The following GATB variants were observed in gnomAD, a reference collection of about 807,000 sequenced individuals.
The protein encoded by GATB is glutamyl-tRNA amidotransferase subunit B, also known as glutamyl-tRNA(Gln) amidotransferase subunit B, mitochondrial.
In GATB, 39 loss-of-function variants were observed where a neutral mutation model predicts 62.3. The observed-to-expected ratio is 0.63, with a 90% CI of 0.48 to 0.82. The LOEUF (loss-of-function observed/expected upper bound fraction) is 0.82, where lower values mean the gene tolerates loss of function less well. GATB is among the 40% of genes least tolerant of loss of function. The pLI is 0.00. For synonymous variants in GATB, 276 were observed against 258.9 expected (o/e 1.07, Z -0.63); for missense variants, 670 against 684.0 (o/e 0.98, Z 0.23).
intron 5 of GATB, among the ~76,000 whole-genome samples, chr4:151,712,378 C>T (rs181666755): frequency 3.9e-5 from 6 of 152,326 alleles, no homozygotes; most frequent in African/African-American, 1.4e-4. Context: ...GGACAGCCTT[C>T]ATTCACACAT....
chr4:151,711,192 T>C (rs1230717221), intron 5 of GATB, among the ~76,000 whole-genome samples: 1 of 152,192 alleles, frequency 6.6e-6, no homozygotes, highest in South Asian at 2.1e-4. Flanking sequence ...ATCTGAACTA[T>C]TGCAAAAGCT....
At chr4:151,693,576 A>G (rs537022271) in intron 9 of GATB, among the ~76,000 whole-genome samples, 1 of 152,284 alleles carries the variant, frequency 6.6e-6, no homozygotes, top group East Asian at 1.9e-4. Context: ...GAATACAGGG[A>G]TCTGCAGAGG....
intron 4 of GATB, 86 bp from the exon 5 acceptor site, chr4:151,716,217 G>T: frequency 6.8e-7 from 1 of 1,465,688 alleles, no homozygotes; most frequent in Non-Finnish European, 9.2e-7. Context: ...GGAAAACCCT[G>T]CCTTACTGAA....
chr4:151,749,210 C>T (rs1213444097), intron 2 of GATB, among the ~76,000 whole-genome samples: 3 of 152,136 alleles, frequency 2.0e-5, no homozygotes, highest in African/African-American at 4.8e-5. Flanking sequence ...CACATGCACA[C>T]GTATGTTTAT....
intron 2 of GATB, chr4:151,719,777 T>A (rs1738991401): frequency 2.8e-6 from 1 of 353,350 alleles, no homozygotes; most frequent in Non-Finnish European, 5.1e-6. Context: ...AACTGCCACA[T>A]CGGGAACCCT....
At chr4:151,704,104 A>G (rs1738660172) in intron 7 of GATB, among the ~76,000 whole-genome samples, 1 of 151,654 alleles carries the variant, frequency 6.6e-6, no homozygotes, top group African/African-American at 2.4e-5. Context: ...TTTAAAGGAA[A>G]TGACTTCAAT....
Position 151,688,729 on chromosome 4 carries a change from AC to A in GATB, c.1231del (p.Val411Ter). Reference protein sequence around the residue: ...EVGLLEFFQNVIKETRAEPKK... With the variant: ...EVGLLEFFQNXIKETRAEPKK... ...TGGCTCTGCCCTAGTTTCTTTTATCACATTTTGGAAGAACTCCAGTAGGCCG... is the reference window on the plus strand; with the variant it reads ...TGGCTCTGCCCTAGTTTCTTTTATCAATTTTGGAAGAACTCCAGTAGGCCG... On this transcript the variant is annotated frameshift_variant, in exon 10 of 13. Transcript: ENST00000263985. LOFTEE classifies it high-confidence loss of function. 6.2e-7 allele frequency: 1 copy of A among 1,610,186 alleles called. No homozygotes were observed. Among genetic ancestry groups the A allele is most frequent in the Non-Finnish European group, 8.5e-7 (1 of 1,178,960 alleles).
At chr4:151,721,892 GGCA>G (rs1739039304) in intron 2 of GATB, 1 of 394,810 alleles carries the variant, frequency 2.5e-6, no homozygotes, top group Admixed American at 4.4e-5. Flanking sequence ...CAAGCGCACG[GGCA>G]CTTCATAAAC....
intron 2 of GATB, among the ~76,000 whole-genome samples, chr4:151,736,982 A>C (rs775111438): frequency 6.6e-6 from 1 of 152,194 alleles, no homozygotes; most frequent in Admixed American, 6.5e-5. Context: ...GCCCAGTCTC[A>C]GGTATGTCTT....
chr4:151,718,797 T>C (rs923843125), intron 3 of GATB, among the ~76,000 whole-genome samples: 1 of 152,210 alleles, frequency 6.6e-6, no homozygotes, highest in African/African-American at 2.4e-5. Context: ...GTATGAAAAA[T>C]TGGCTCTCAC....
chr4:151,754,527 G>A (rs1560867956), intron 2 of GATB, among the ~76,000 whole-genome samples: 1 of 152,200 alleles, frequency 6.6e-6, no homozygotes, highest in Non-Finnish European at 1.5e-5. Context: ...CTACACAAGG[G>A]CTAGCATAAC....
At chr4:151,707,923 G>A (rs1321001645) in intron 6 of GATB, 65 bp downstream of exon 6, 1 of 1,092,560 alleles carries the variant, frequency 9.2e-7, no homozygotes, top group Non-Finnish European at 1.4e-6. Flanking sequence ...TTTCTGGGTT[G>A]TTTGTTACCC....
intron 2 of GATB, chr4:151,722,406 T>C: frequency 3.5e-6 from 2 of 573,684 alleles, no homozygotes; most frequent in South Asian, 4.4e-5. Context: ...GGCATTCTGT[T>C]ACCTGAAGTC....
intron 2 of GATB, among the ~76,000 whole-genome samples, chr4:151,752,080 T>C (rs1275767454): frequency 1.3e-5 from 2 of 152,164 alleles, no homozygotes; most frequent in Admixed American, 1.3e-4. Context: ...GAATTCTAGG[T>C]TAGAATTATA....
chr4:151,698,635 C>T (rs1738536403), intron 9 of GATB, among the ~76,000 whole-genome samples: 1 of 152,118 alleles, frequency 6.6e-6, no homozygotes. Context: ...TGAGTAACGC[C>T]GCTTCCAATG....
chr4:151,716,293 TTTTTA>T, intron 4 of GATB, 162 bp from the exon 5 acceptor site: 1 of 813,014 alleles, frequency 1.2e-6, no homozygotes, highest in Non-Finnish European at 1.8e-6. Flanking sequence ...TTTTTTTTTT[TTTTTA>T]AAGAGGCGTC....
At chr4:151,739,741 T>C (rs568963649) in intron 2 of GATB, among the ~76,000 whole-genome samples, 158 of 152,344 alleles carry the variant, frequency 1.0e-3, no homozygotes, top group African/African-American at 3.6e-3. Context: ...GACAGGACTT[T>C]GCTTTCTACT....
intron 7 of GATB, 67 bp downstream of exon 7, chr4:151,705,118 G>A (rs754631166): frequency 1.9e-6 from 2 of 1,071,328 alleles, no homozygotes; most frequent in Non-Finnish European, 2.9e-6. Context: ...TGGCTGGTCA[G>A]TGGCTGAGCC....
intron 5 of GATB, among the ~76,000 whole-genome samples, chr4:151,715,264 G>T (rs771812244): frequency 2.6e-5 from 4 of 152,178 alleles, no homozygotes; most frequent in Admixed American, 6.5e-5. Context: ...GAGGGTGGAA[G>T]AAGTTTTCAA....
Sources: allele counts gnomAD v4.1 joint callset (sites outside exome capture counted in the v4.1 genomes callset), GRCh38; gene constraint gnomAD v4.1.1; transcripts MANE v1.5; gene names NCBI Gene and HGNC (gene_info 2026-07-23, HGNC 2026-07-21).